The following IRF4 variants were observed in gnomAD, a reference collection of about 807,000 sequenced individuals.
The protein encoded by IRF4 is interferon regulatory factor 4, also known as lymphocyte-specific interferon regulatory factor.
IRF4 carries 13 observed loss-of-function variants against 55.5 expected under a neutral mutation model. The observed-to-expected ratio is 0.23, with a 90% CI of 0.15 to 0.37. The LOEUF (loss-of-function observed/expected upper bound fraction) is 0.37. IRF4 is among the 10% of genes least tolerant of loss of function. The pLI is 1.00. For synonymous variants in IRF4, 249 were observed against 240.7 expected, an observed-to-expected ratio of 1.03 and a Z score of -0.32; for missense variants, 397 against 593.8, an observed-to-expected ratio of 0.67 and a Z score of 3.44.
intron 6 of IRF4, among the ~76,000 whole-genome samples, chr6:400,584 A>AT (rs937475674): frequency 6.6e-6 from 1 of 152,178 alleles, no homozygotes; most frequent in African/African-American, 2.4e-5. Context: ...TAATTTTGTG[A>AT]TAAAAACACC....
intron 2 of IRF4, 93 bp from the exon 3 acceptor site, chr6:394,728 C>A: frequency 1.6e-6 from 2 of 1,225,300 alleles, no homozygotes; most frequent in Non-Finnish European, 2.3e-6. Context: ...GTACTCTAGC[C>A]TGGGCAGCAG....
chr6:397,548 T>C, intron 5 of IRF4: 2 of 311,824 alleles, frequency 6.4e-6, no homozygotes, highest in Non-Finnish European at 1.2e-5. Context: ...AGAGAGGAGA[T>C]TGTGGAAGCT....
At chr6:407,267 T>C (rs916202873) in intron 8 of IRF4, among the ~76,000 whole-genome samples, 188 bp from the exon 9 acceptor site, 1 of 152,230 alleles carries the variant, frequency 6.6e-6, no homozygotes. Context: ...TTTTTTTACA[T>C]GTTGATCTAT....
In IRF4 at chr6:411,207, A is replaced by G. The variant is rs1451166363; in HGVS notation, c.*3609A>G. 1.3e-5 allele frequency: 3 copies of G among 230,444 alleles called. No homozygotes were observed. Among genetic ancestry groups the G allele is most frequent in the Non-Finnish European group, 2.6e-5 (3 of 116,234 alleles). The allele number at this position is 230,444 out of a possible 1,614,324, so 14.3% of individuals were successfully genotyped here. A position where few individuals can be genotyped will look rare whatever the true frequency, so the allele number is the denominator to read the frequency against. Reference sequence around the variant, plus strand: ...ATCCCCCGTACCCCACTTTCTGCTGAAAGAACTGCCAGCAGGTAGGACCCC... The same window carrying G: ...ATCCCCCGTACCCCACTTTCTGCTGGAAGAACTGCCAGCAGGTAGGACCCC... On this transcript the variant is annotated 3_prime_UTR_variant, in exon 9 of 9. Transcript: ENST00000380956.
At chr6:404,986 G>A in intron 7 of IRF4, 32 bp from the exon 8 acceptor site, 1 of 1,394,622 alleles carries the variant, frequency 7.2e-7, no homozygotes, top group Non-Finnish European at 1.0e-6. Flanking sequence ...GAGGGTTTCT[G>A]AACATGGTCT....
rs1761186058 is a variant in IRF4 at position 393,788 on chromosome 6, T to TC, written c.216+421dup. Among the ~76,000 whole-genome samples, 1 of 152,188 alleles carries TC rather than the reference T, an allele frequency of 6.6e-6. No homozygotes were observed. Among genetic ancestry groups the TC allele is most frequent in the Non-Finnish European group, 1.5e-5 (1 of 68,032 alleles). On this transcript the variant is annotated intron_variant, in intron 2 of 8. Transcript: ENST00000380956. This position sits in a 1 kb window ranked among gnomAD's most constrained non-coding sequence, Gnocchi z 5.4. Reference sequence around the variant, plus strand: ...TCCGCGCCTGTGCCGGCGGCTGTTTTCGTCTCTCACCGCGTCTCTGTTTCT... The same window carrying TC: ...TCCGCGCCTGTGCCGGCGGCTGTTTTCCGTCTCTCACCGCGTCTCTGTTTCT...
At chr6:395,987 GC>G in intron 4 of IRF4, 52 bp downstream of exon 4, 2 of 1,415,098 alleles carry the variant, frequency 1.4e-6, no homozygotes, top group Non-Finnish European at 9.9e-7. Context: ...TGGGCCAGCT[GC>G]CCACATGGCC....
Position 394,803 on chromosome 6 carries a change from T to A in IRF4, c.217-18T>A. The A allele has an allele frequency of 6.2e-7, 1 of 1,604,446 alleles. No individual in the cohort carries two copies. The highest frequency in any genetic ancestry group is 8.5e-7 in the Non-Finnish European group (1 of 1,176,466). On this transcript the variant is annotated intron_variant, in intron 2 of 8. Coordinates refer to ENST00000380956, the MANE Select transcript of IRF4 (RefSeq NM_002460.4). ...ACATGTATTTTGACTTTTCGTTCTC[T>A]TCATTCTTTCCCACCAGGCTTGGGC...
At chr6:392,068 C>G (rs573033243) in intron 1 of IRF4, among the ~76,000 whole-genome samples, 1 of 152,312 alleles carries the variant, frequency 6.6e-6, no homozygotes, top group East Asian at 1.9e-4. Flanking sequence ...GACGGGGTCG[C>G]CACAAGCTGG....
intron 7 of IRF4, among the ~76,000 whole-genome samples, chr6:402,384 C>T (rs1035396117): frequency 6.6e-6 from 1 of 152,114 alleles, no homozygotes; most frequent in Non-Finnish European, 1.5e-5. Context: ...CTCGCCCTGT[C>T]ATGCTGGGCT....
intron 6 of IRF4, among the ~76,000 whole-genome samples, chr6:401,140 C>G (rs770625000): frequency 2.6e-5 from 4 of 152,264 alleles, no homozygotes; most frequent in African/African-American, 9.6e-5. Flanking sequence ...AAAAAAGAGT[C>G]GGTGGCCACA....
chr6:401,248 G>C (rs1761389356), intron 6 of IRF4, among the ~76,000 whole-genome samples, 176 bp from the exon 7 acceptor site: 1 of 152,138 alleles, frequency 6.6e-6, no homozygotes, highest in Admixed American at 6.5e-5. Context: ...TGGATCTCTG[G>C]GGGAGACAAG....
Position 394,040 on chromosome 6 carries a change from G to T in IRF4, c.216+672G>T, listed in dbSNP as rs549971055. Among the ~76,000 whole-genome samples, 16 of 152,296 alleles carry T rather than the reference G, an allele frequency of 1.1e-4. No homozygotes were observed. In the South Asian group the frequency reaches 2.9e-3, roughly 28 times the overall value. ...ACACACGTGTGTCGTTGTTACGATT[G>T]TTCTCCCCTAAGGCAGTTTACCCAG... is the stretch of plus-strand genomic sequence containing the variant. On this transcript the variant is annotated intron_variant, in intron 2 of 8. Transcript: ENST00000380956.
chr6:401,604 G>A lies in IRF4; in HGVS notation c.926G>A (p.Ser309Asn). ...AGGAAAAACATTGAGAAGCTGCTGA[G>A]CCACCTGGAGAGGGGCGTGGTCCTC... ...GQRKNIEKLL[S>N]HLERGVVLWM... The change falls in exon 7 of 9, where the codon AGC becomes AAC. Residue 309 changes from serine (S) to asparagine (N), a missense_variant. Coordinates refer to ENST00000380956, the MANE Select transcript of IRF4 (RefSeq NM_002460.4). 6.2e-7 allele frequency: 1 copy of A among 1,614,182 alleles called. No individual in the cohort carries two copies. The highest frequency in any genetic ancestry group is 1.1e-5 in the South Asian group (1 of 91,088).
chr6:404,534 G>A (rs1342155285), intron 7 of IRF4, among the ~76,000 whole-genome samples: 1 of 152,254 alleles, frequency 6.6e-6, no homozygotes, highest in Non-Finnish European at 1.5e-5. Flanking sequence ...GAGTTACGTG[G>A]ATGTCCGCAG....
Position 398,705 on chromosome 6 carries a change from G to A in IRF4, c.638-123G>A, listed in dbSNP as rs560520981. On this transcript the variant is annotated intron_variant, in intron 5 of 8. Coordinates refer to ENST00000380956, the MANE Select transcript of IRF4 (RefSeq NM_002460.4). The stretch of plus-strand genomic sequence containing the variant: ...CCTGCTAGTTGCTGGTGCTGGGAGT[G>A]GGTGGGAAGGTGATTGGGCGCCAGC... The A allele has an allele frequency of 4.4e-5, 27 of 610,682 alleles. 1 individual carries two copies. In the South Asian group the frequency reaches 6.0e-4, roughly 14 times the overall value. 37.8% of individuals were successfully genotyped at this position (610,682 alleles called of 1,614,324 possible).
chr6:409,334 TAAAAAG>T lies in IRF4; in HGVS notation c.*1737_*1742del, dbSNP rs2127443874. ...CAAACAGTAGAGAACAGCAAAAAAA[TAAAAAG>T]GATCTCCTTTTTTCCCAGCCCAAAT... On this transcript the variant is annotated 3_prime_UTR_variant, in exon 9 of 9. Transcript: ENST00000380956. The T allele has an allele frequency of 5.1e-6, 1 of 195,672 alleles. No homozygotes were observed. The highest frequency in any genetic ancestry group is 1.9e-4 in the South Asian group (1 of 5,188). The allele number at this position is 195,672 out of a possible 1,614,324, so 12.1% of individuals were successfully genotyped here. A position where few individuals can be genotyped will look rare whatever the true frequency, so the allele number is the denominator to read the frequency against.
At chr6:403,986 G>A (rs905481834) in intron 7 of IRF4, among the ~76,000 whole-genome samples, 1 of 151,986 alleles carries the variant, frequency 6.6e-6, no homozygotes, top group Non-Finnish European at 1.5e-5. Flanking sequence ...AAGTCAAATA[G>A]TCCTGTAAGT....
rs1408619637 is a variant in IRF4, at chr6:409,742, C to G, written c.*2144C>G. 4.8e-5 allele frequency: 11 copies of G among 228,456 alleles called. No individual in the cohort carries two copies. In the East Asian group the frequency reaches 6.8e-4, roughly 14 times the overall value. The allele number at this position is 228,456 out of a possible 1,614,324, so 14.2% of individuals were successfully genotyped here. A position where few individuals can be genotyped will look rare whatever the true frequency, so the allele number is the denominator to read the frequency against. ...AACTGCTGTTTCACGGGGCCCTTAC[C>G]TGTGACCCTCTTTGCTGAAGAATAT... On this transcript the variant is annotated 3_prime_UTR_variant, in exon 9 of 9. Coordinates refer to ENST00000380956, the MANE Select transcript of IRF4 (RefSeq NM_002460.4).
Sources: gnomAD v4.1 joint callset for allele counts (sites outside exome capture counted in the v4.1 genomes callset) on GRCh38, gnomAD v4.1.1 for gene constraint, Gnocchi (gnomAD v3.1) non-coding constraint, MANE v1.5 for transcripts, NCBI Gene and HGNC (gene_info 2026-07-23, HGNC 2026-07-21) for gene names.